Variants in LRRC49 observed in about 807,000 individuals in gnomAD.
The protein encoded by LRRC49 is leucine-rich repeat-containing protein 49.
A neutral mutation model predicts 83.3 loss-of-function variants in LRRC49; 50 were observed. That is an observed-to-expected ratio of 0.60 (90% CI 0.48 to 0.76). The LOEUF is 0.76. LRRC49 is among the 30% of genes least tolerant of loss of function. The pLI is 0.00. For missense variants in LRRC49, 704 were observed against 809.1 expected (o/e 0.87, Z 1.58); for synonymous variants, 286 against 283.3 (o/e 1.01, Z -0.10).
At chr15:71,036,092 A>G (rs938774046) in intron 14 of LRRC49, among the ~76,000 whole-genome samples, 1 of 152,210 alleles carries the variant, frequency 6.6e-6, no homozygotes, top group Admixed American at 6.5e-5. Flanking sequence ...TCTAATGACC[A>G]GTGATGATGA....
At chr15:70,959,563 AAGGAAGGAAGG>A in intron 8 of LRRC49, among the ~76,000 whole-genome samples, 1 of 134,172 alleles carries the variant, frequency 7.5e-6, no homozygotes, top group Non-Finnish European at 1.6e-5. Context: ...GGAAGGAAGG[AAGGAAGGAAGG>A]AAGGAAGGAA....
At chr15:70,998,290 G>A (rs575256629) in intron 11 of LRRC49, among the ~76,000 whole-genome samples, 16 of 152,006 alleles carry the variant, frequency 1.1e-4, no homozygotes, top group South Asian at 8.3e-4. Flanking sequence ...TTATTTCTTC[G>A]TATGACTTCA....
At chr15:70,890,261 T>C (rs2033518366), upstream of LRRC49, among the ~76,000 whole-genome samples, 1 of 152,124 alleles carries the variant, frequency 6.6e-6, no homozygotes, top group African/African-American at 2.4e-5. Context: ...CACATATATA[T>C]GTATGTGGAT....
chr15:70,966,615 C>A (rs1255206153), intron 9 of LRRC49, among the ~76,000 whole-genome samples: 2 of 151,952 alleles, frequency 1.3e-5, no homozygotes, highest in Non-Finnish European at 2.9e-5. Flanking sequence ...AATATTTTTT[C>A]TTTCTATTTA....
At chr15:70,963,135 G>T (rs1462700946) in intron 8 of LRRC49, among the ~76,000 whole-genome samples, 1 of 151,682 alleles carries the variant, frequency 6.6e-6, no homozygotes, top group Non-Finnish European at 1.5e-5. Flanking sequence ...CATTAGCCAG[G>T]CATGATGGTA....
At chr15:71,048,077 A>G (rs553590459) in intron 15 of LRRC49, among the ~76,000 whole-genome samples, 4 of 143,234 alleles carry the variant, frequency 2.8e-5, no homozygotes, top group Admixed American at 2.8e-4. Context: ...CACCGGGCCA[A>G]ATTTTTTTTT....
At chr15:70,897,914 A>T (rs926340777) in intron 3 of LRRC49, among the ~76,000 whole-genome samples, 1 of 152,196 alleles carries the variant, frequency 6.6e-6, no homozygotes, top group African/African-American at 2.4e-5. Context: ...AAATCCCTTA[A>T]TTAGGAATTT....
chr15:70,966,826 G>T (rs1567074343), intron 9 of LRRC49, among the ~76,000 whole-genome samples: 1 of 152,092 alleles, frequency 6.6e-6, no homozygotes, highest in Non-Finnish European at 1.5e-5. Flanking sequence ...GAGATGAAAA[G>T]ATCAAAATCA....
chr15:70,981,195 T>C (rs1020337132), intron 10 of LRRC49, among the ~76,000 whole-genome samples: 3 of 151,964 alleles, frequency 2.0e-5, no homozygotes, highest in African/African-American at 7.2e-5. Flanking sequence ...ACTCTACATA[T>C]TGATCATTAA....
chr15:70,917,746 C>T (rs2034842776), intron 6 of LRRC49, among the ~76,000 whole-genome samples: 1 of 152,186 alleles, frequency 6.6e-6, no homozygotes, highest in African/African-American at 2.4e-5. Flanking sequence ...CTGAGCTGTT[C>T]TATCACTTAA....
chr15:71,037,422 A>C, intron 15 of LRRC49, 90 bp downstream of exon 15: 1 of 1,103,496 alleles, frequency 9.1e-7, no homozygotes. Flanking sequence ...CCCTTAGTTA[A>C]GATAACTTTT....
At chr15:70,966,453 A>T (rs1487016767) in intron 9 of LRRC49, among the ~76,000 whole-genome samples, 1 of 152,140 alleles carries the variant, frequency 6.6e-6, no homozygotes, top group African/African-American at 2.4e-5. Context: ...TAGTTGTTGT[A>T]ATAAAAATAA....
intron 1 of LRRC49, among the ~76,000 whole-genome samples, chr15:70,866,505 C>T (rs1325282338): frequency 2.6e-5 from 4 of 152,132 alleles, no homozygotes; most frequent in Non-Finnish European, 4.4e-5. Context: ...CCCCTGTTCA[C>T]TGAGTCTTAT....
In LRRC49 at chr15:71,050,750, T is replaced by C. The variant is rs1417283208; in HGVS notation, c.*1138T>C. ...GAAAGACCCACATCCTTAAGATCTC[T>C]TGATTACTCTTCTCCCAAAAGGCGT... On this transcript the variant is annotated 3_prime_UTR_variant, in exon 16 of 16. Coordinates refer to ENST00000260382, the MANE Select transcript of LRRC49 (RefSeq NM_017691.5). The C allele has an allele frequency of 6.6e-6, 1 of 152,204 alleles. No individual in the cohort carries two copies. Among genetic ancestry groups the C allele is most frequent in the Non-Finnish European group, 1.5e-5 (1 of 68,050 alleles). 9.4% of individuals were successfully genotyped at this position (152,204 alleles called of 1,614,324 possible).
At chr15:71,042,171 T>C (rs184714100) in intron 15 of LRRC49, among the ~76,000 whole-genome samples, 6 of 152,208 alleles carry the variant, frequency 3.9e-5, no homozygotes, top group Non-Finnish European at 7.3e-5. Context: ...ATTGTGTTTT[T>C]TGTTTTTGTT....
At chr15:70,984,877 G>T (rs1262779437) in intron 11 of LRRC49, among the ~76,000 whole-genome samples, 1 of 150,530 alleles carries the variant, frequency 6.6e-6, no homozygotes, top group Admixed American at 6.7e-5. Flanking sequence ...AGAATACGCG[G>T]TGTTTGGTTT....
rs114940039 is a variant in LRRC49, at chr15:70,982,455, T to G, written c.1006-1639T>G. 2.9e-3 allele frequency among the ~76,000 whole-genome samples: 447 copies of G among 152,276 alleles called. 5 individuals are homozygous for G. The highest frequency in any genetic ancestry group is 0.01 in the African/African-American group (436 of 41,558). ...TTTATTATAGAATGGGGAAAAAATG[T>G]TTTTACAATAGGAATTGCAGATTTC... On this transcript the variant is annotated intron_variant, in intron 10 of 15. Coordinates refer to ENST00000260382, the MANE Select transcript of LRRC49 (RefSeq NM_017691.5).
chr15:70,963,513 G>A (rs2036681903), intron 8 of LRRC49, among the ~76,000 whole-genome samples: 1 of 152,008 alleles, frequency 6.6e-6, no homozygotes, highest in East Asian at 1.9e-4. Context: ...ACAGAAAAAG[G>A]ACATTAGGTA....
intron 7 of LRRC49, among the ~76,000 whole-genome samples, chr15:70,928,185 T>C (rs2035279413): frequency 6.6e-6 from 1 of 152,194 alleles, no homozygotes; most frequent in African/African-American, 2.4e-5. Context: ...TCCAGTCACA[T>C]CTTTAGGCTC....
Sources: gnomAD v4.1 joint callset for allele counts (sites outside exome capture counted in the v4.1 genomes callset) on GRCh38, gnomAD v4.1.1 for gene constraint, MANE v1.5 for transcripts, NCBI Gene and HGNC (gene_info 2026-07-23, HGNC 2026-07-21) for gene names.